Variants in SSBP2 observed in about 807,000 individuals in gnomAD.
The protein encoded by SSBP2 is single-stranded DNA-binding protein 2.
A neutral mutation model predicts 61.8 loss-of-function variants in SSBP2; 17 were observed. The ratio of observed to expected loss-of-function variants is 0.28; its 90% CI spans 0.19 to 0.41. The LOEUF is 0.41. Ranked by LOEUF, SSBP2 falls within the 10% of genes least tolerant of loss-of-function variation. The pLI, the probability that SSBP2 is intolerant of heterozygous loss-of-function variation, is 1.00. For synonymous variants in SSBP2, 139 were observed against 141.3 expected, an observed-to-expected ratio of 0.98 and a Z score of 0.12; for missense variants, 310 against 458.7, an observed-to-expected ratio of 0.68 and a Z score of 2.96.
chr5:81,588,382 C>T (rs951248278), intron 4 of SSBP2, among the ~76,000 whole-genome samples: 1 of 152,054 alleles, frequency 6.6e-6, no homozygotes, highest in Admixed American at 6.5e-5. Flanking sequence ...AAGTAACTTA[C>T]CCAAAGTTAC....
intron 4 of SSBP2, among the ~76,000 whole-genome samples, chr5:81,613,502 G>A (rs558809294): frequency 5.3e-5 from 8 of 152,138 alleles, no homozygotes; most frequent in Non-Finnish European, 1.2e-4. Flanking sequence ...ATTTATCCAA[G>A]GCTTTTAGAA....
chr5:81,632,565 T>C (rs949749879), intron 3 of SSBP2, among the ~76,000 whole-genome samples: 1 of 152,074 alleles, frequency 6.6e-6, no homozygotes, highest in Non-Finnish European at 1.5e-5. Flanking sequence ...CATTCCTGCA[T>C]CTCCTCTTGC....
intron 5 of SSBP2, among the ~76,000 whole-genome samples, chr5:81,501,186 G>A (rs1767685740): frequency 7.7e-6 from 1 of 129,908 alleles, no homozygotes; most frequent in African/African-American, 2.8e-5. Context: ...ACTCCAGCCT[G>A]GGTGACAGAG....
At chr5:81,628,250 AG>A (rs1184443884) in intron 3 of SSBP2, among the ~76,000 whole-genome samples, 7 of 152,176 alleles carry the variant, frequency 4.6e-5, no homozygotes, top group Non-Finnish European at 7.3e-5. Context: ...AGCTGAGCGA[AG>A]GGGGAAGCCC....
chr5:81,736,802 A>G (rs2154007155), intron 1 of SSBP2, among the ~76,000 whole-genome samples: 1 of 152,360 alleles, frequency 6.6e-6, no homozygotes, highest in East Asian at 1.9e-4. Flanking sequence ...GAAATTTAGA[A>G]ATACAATTCT....
chr5:81,630,062 A>G (rs575514019), intron 3 of SSBP2, among the ~76,000 whole-genome samples: 5 of 152,344 alleles, frequency 3.3e-5, no homozygotes, highest in African/African-American at 1.2e-4. Context: ...AAAATATTCT[A>G]TTAAAAAATG....
At position 81,413,229 on chromosome 5, in the gene SSBP2, A is replaced by G. The variant is rs1049194596; in HGVS notation, c.*7275T>C. 9 of 152,262 alleles carry G rather than the reference A, an allele frequency of 5.9e-5. No individual in the cohort carries two copies. The highest frequency in any genetic ancestry group is 1.7e-4 in the African/African-American group (7 of 41,476). 9.4% of individuals were successfully genotyped at this position (152,262 alleles called of 1,614,324 possible). On this transcript the variant is annotated 3_prime_UTR_variant, in exon 17 of 17. Coordinates refer to ENST00000320672, the MANE Select transcript of SSBP2 (RefSeq NM_012446.5). ...ATCCCATTACATGAATAGCTCAAGT[A>G]CTTGTACAAAAACACTAAATTATAA...
chr5:81,718,170 A>G (rs1005108912), intron 1 of SSBP2, among the ~76,000 whole-genome samples: 1 of 152,222 alleles, frequency 6.6e-6, no homozygotes, highest in Non-Finnish European at 1.5e-5. Flanking sequence ...AAAGAAGCTC[A>G]TAACAACACA....
In SSBP2 at chr5:81,615,486, G is replaced by T. The variant is rs1581172687; in HGVS notation, c.269C>A (p.Ala90Asp). ...ATGTTAACTTACGTAATCATGGAAG[G>T]CTTTTGCTTCACTTGAGTGTTCACA... Residue 90 changes from alanine (A) to aspartate (D), a missense_variant, in exon 4 of 17, where the codon GCC becomes GAC. Around this residue, in one of 4 missense-constraint regions of SSBP2, gnomAD observed 209 missense variants for 286.4 expected, o/e 0.73. Transcript: ENST00000320672. 6.2e-7 allele frequency: 1 copy of T among 1,612,960 alleles called. No homozygotes were observed. The highest frequency in any genetic ancestry group is 8.5e-7 in the Non-Finnish European group (1 of 1,179,178).
At chr5:81,709,824 A>AT (rs544752606) in intron 1 of SSBP2, among the ~76,000 whole-genome samples, 5 of 152,002 alleles carry the variant, frequency 3.3e-5, no homozygotes, top group Non-Finnish European at 4.4e-5. Flanking sequence ...ATCATAGCAG[A>AT]TGTAGAACAC....
At chr5:81,613,153 T>C (rs1172746921) in intron 4 of SSBP2, among the ~76,000 whole-genome samples, 2 of 152,098 alleles carry the variant, frequency 1.3e-5, no homozygotes, top group African/African-American at 4.8e-5. Flanking sequence ...TAAGATGTAA[T>C]AAAAATGGCA....
intron 4 of SSBP2, among the ~76,000 whole-genome samples, chr5:81,560,132 C>T (rs1475206317): frequency 6.6e-6 from 1 of 152,034 alleles, no homozygotes; most frequent in African/African-American, 2.4e-5. Flanking sequence ...TTACTATGTG[C>T]CACGATTAAT....
At chr5:81,550,719 T>A (rs1772108475) in intron 4 of SSBP2, among the ~76,000 whole-genome samples, 1 of 152,228 alleles carries the variant, frequency 6.6e-6, no homozygotes, top group African/African-American at 2.4e-5. Flanking sequence ...GTTTGTATTC[T>A]ATGGAATCAT....
At chr5:81,568,268 A>C (rs1023456133) in intron 4 of SSBP2, among the ~76,000 whole-genome samples, 12 of 152,152 alleles carry the variant, frequency 7.9e-5, no homozygotes, top group African/African-American at 2.7e-4. Flanking sequence ...GCTTTCCCCA[A>C]AACTGTTCTT....
chr5:81,587,955 G>A (rs1322132547), intron 4 of SSBP2, among the ~76,000 whole-genome samples: 4 of 152,080 alleles, frequency 2.6e-5, no homozygotes, highest in African/African-American at 2.4e-5. Context: ...GGTCGTTAAA[G>A]CTTGATGAAA....
At chr5:81,662,511 T>C (rs1293506834) in intron 1 of SSBP2, among the ~76,000 whole-genome samples, 1 of 151,562 alleles carries the variant, frequency 6.6e-6, no homozygotes, top group Non-Finnish European at 1.5e-5. Flanking sequence ...CTTATGAAAA[T>C]TACAACTTCT....
chr5:81,524,727 T>C (rs1172826061), intron 4 of SSBP2, among the ~76,000 whole-genome samples: 2 of 152,040 alleles, frequency 1.3e-5, no homozygotes, highest in African/African-American at 4.8e-5. Context: ...CATAGCTCTT[T>C]TAGTGGCTTT....
chr5:81,555,357 T>A (rs970762069), intron 4 of SSBP2, among the ~76,000 whole-genome samples: 2 of 152,148 alleles, frequency 1.3e-5, no homozygotes, highest in Non-Finnish European at 2.9e-5. Context: ...TAACTCATTT[T>A]GGTTGTTTTT....
intron 10 of SSBP2, among the ~76,000 whole-genome samples, chr5:81,453,596 A>G (rs1763928998): frequency 6.6e-6 from 1 of 151,380 alleles, no homozygotes; most frequent in Non-Finnish European, 1.5e-5. Context: ...AGCTGGGACT[A>G]CAGGCGCCCG....
Sources: allele counts gnomAD v4.1 joint callset (sites outside exome capture counted in the v4.1 genomes callset), GRCh38; gene constraint gnomAD v4.1.1; regional missense constraint gnomAD v4.1.1; transcripts MANE v1.5; gene names NCBI Gene and HGNC (gene_info 2026-07-23, HGNC 2026-07-21).